Variants in PKD1 observed in about 807,000 individuals in gnomAD.
PKD1 encodes the protein polycystin-1.
In PKD1, 81 loss-of-function variants were observed where a neutral mutation model predicts 361.7. The observed-to-expected ratio is 0.22, with a 90% CI of 0.19 to 0.27. PKD1 has a LOEUF of 0.27. Among genes scored for constraint, PKD1 ranks in the 10% least tolerant of loss-of-function variants. The pLI is 1.00. For missense variants in PKD1, 6,399 were observed against 6,118.3 expected (o/e 1.05, Z -1.53); for synonymous variants, 3,615 against 2,818.3 (o/e 1.28, Z -8.95).
At position 2,088,713 on chromosome 16, in the gene PKD1, G is replaced by C. The variant is rs550001058; in HGVS notation, c.*1014C>G. ...CACAGACATAGAGGCACAGATTGCA[G>C]TCAGACAGCTCTTTTATTGACTTTG... On this transcript the variant is annotated 3_prime_UTR_variant, in exon 46 of 46. Coordinates refer to ENST00000262304, the MANE Select transcript of PKD1 (RefSeq NM_001009944.3). 1.4e-6 allele frequency: 2 copies of C among 1,436,872 alleles called. No homozygotes were observed. Among genetic ancestry groups the C allele is most frequent in the East Asian group, 2.5e-5 (1 of 40,142 alleles). 89.0% of individuals were successfully genotyped at this position (1,436,872 alleles called of 1,614,324 possible).
intron 34 of PKD1, among the ~76,000 whole-genome samples, chr16:2,096,640 C>T (rs951000771): frequency 4.6e-5 from 7 of 152,078 alleles, no homozygotes; most frequent in Admixed American, 1.3e-4. Context: ...CTCAGTCTCC[C>T]GAGTAACTGG....
rs751897672 is a variant in PKD1, at chr16:2,111,102, G to A, written c.4065C>T (p.Phe1355=). ...GGCTGGACAGCACCAGCGCCAGGGG[G>A]AACGTGCCGCTCCGCGTGAAGTTGT... is the stretch of plus-strand genomic sequence containing the variant. ...VTHNFTRSGT[F]PLALVLSSRV... The change falls in exon 15 of 46, where the codon TTC becomes TTT. Residue 1355 remains phenylalanine (F), a synonymous_variant. Coordinates refer to ENST00000262304, the MANE Select transcript of PKD1 (RefSeq NM_001009944.3). 32 of 1,610,608 alleles carry A rather than the reference G, an allele frequency of 2.0e-5. No individual in the cohort carries two copies. In the South Asian group the frequency reaches 2.9e-4, roughly 14 times the overall value.
intron 1 of PKD1, among the ~76,000 whole-genome samples, chr16:2,127,674 G>A (rs902760074): frequency 5.3e-5 from 8 of 151,678 alleles, no homozygotes; most frequent in Non-Finnish European, 7.4e-5. Flanking sequence ...CAGTGGCTGA[G>A]CCAGGTCACT....
intron 1 of PKD1, among the ~76,000 whole-genome samples, chr16:2,132,530 A>G (rs1302311855): frequency 1.4e-5 from 2 of 145,696 alleles, no homozygotes; most frequent in African/African-American, 2.6e-5. Context: ...AGCTGAGATC[A>G]TGCCACTGCA....
chr16:2,123,529 C>T (rs961106463), intron 1 of PKD1: 7 of 456,366 alleles, frequency 1.5e-5, no homozygotes, highest in African/African-American at 1.4e-4. Flanking sequence ...TGGGGGAACG[C>T]CAAGGCCTAG....
Position 2,111,201 on chromosome 16 carries a change from G to A in PKD1, c.3966C>T (p.Ala1322=), listed in dbSNP as rs745434803. 3.1e-6 allele frequency: 5 copies of A among 1,611,478 alleles called. No individual in the cohort carries two copies. Among genetic ancestry groups the A allele is most frequent in the Non-Finnish European group, 4.2e-6 (5 of 1,179,722 alleles). ...RLTAYVTGNP[A]HYLFDWTFGD... is the part of the protein sequence containing the mutation. Reference sequence around the variant, plus strand: ...CGAAGGTCCAGTCGAAGAGGTAGTGGGCCGGGTTCCCGGTGACGTAGGCCG... The same window carrying A: ...CGAAGGTCCAGTCGAAGAGGTAGTGAGCCGGGTTCCCGGTGACGTAGGCCG... Residue 1322 remains alanine (A), a synonymous_variant, in exon 15 of 46, where the codon GCC becomes GCT. Coordinates refer to ENST00000262304, the MANE Select transcript of PKD1 (RefSeq NM_001009944.3).
rs1224380576 is a variant in PKD1 at position 2,111,388 on chromosome 16, A to C, written c.3779T>G (p.Val1260Gly). The C allele has an allele frequency of 1.9e-6, 3 of 1,611,300 alleles. No individual in the cohort carries two copies. The East Asian group carries it at 6.7e-5, about 36-fold the overall frequency. ...CTGTGCCCGCAGGTACACATGCTCC[A>C]CTGTTGCCTCCGGGCCCGACAGCAC... ...GTVLSGPEAT[V>G]EHVYLRAQNC... Residue 1260 changes from valine (V) to glycine (G), a missense_variant, in exon 15 of 46, where the codon GTG (valine) becomes GGG (glycine). Physicochemically the swap from Val to Gly is moderately radical, Grantham distance 109. Transcript: ENST00000262304.
rs1490760670 is a variant in PKD1, at chr16:2,097,950, T to C, written c.10085A>G (p.Gln3362Arg). Reference protein sequence around the residue: ...AGSPSPTPAGQQVLDIDSCLD... With the variant: ...AGSPSPTPAGRQVLDIDSCLD... ...GCAGCTGTCGATGTCCAGCACCTGCTGCCCGGCAGGTGTGGGGCTCGGGCT... is the reference window on the plus strand; with the variant it reads ...GCAGCTGTCGATGTCCAGCACCTGCCGCCCGGCAGGTGTGGGGCTCGGGCT... The change falls in exon 31 of 46, where the codon CAG becomes CGG. Residue 3362 changes from glutamine to arginine, a missense_variant. Gln to Arg is a conservative substitution (Grantham distance 43, BLOSUM62 1). Coordinates refer to ENST00000262304, the MANE Select transcript of PKD1 (RefSeq NM_001009944.3). 6.3e-7 allele frequency: 1 copy of C among 1,598,862 alleles called. No homozygotes were observed. The highest frequency in any genetic ancestry group is 1.7e-5 in the Admixed American group (1 of 59,768).
At chr16:2,130,793 G>C (rs568472567) in intron 1 of PKD1, among the ~76,000 whole-genome samples, 2 of 152,336 alleles carry the variant, frequency 1.3e-5, no homozygotes, top group African/African-American at 2.4e-5. Context: ...TGTCATTCAG[G>C]GATGCAGGTG....
At chr16:2,113,745 G>A (rs937570037) in intron 11 of PKD1, 12 of 359,996 alleles carry the variant, frequency 3.3e-5, no homozygotes, top group Admixed American at 2.2e-4. Flanking sequence ...GCAGGTACCC[G>A]CAAGATGGAG....
At position 2,117,523 on chromosome 16, in the gene PKD1, C is replaced by T. The variant is rs764143167; in HGVS notation, c.1351G>A (p.Ala451Thr). 18 of 1,586,290 alleles carry T rather than the reference C, an allele frequency of 1.1e-5. No individual in the cohort carries two copies. The highest frequency in any genetic ancestry group is 5.4e-5 in the African/African-American group (4 of 74,314). ...CGGGAGACCAGGAAGCGCTGCACGG[C>T]GGGACTGTCCACCATTGCCAGGGCG... ...GAALAMVDSPAVQRFLVSRVT... is the reference protein window; with the variant it reads ...GAALAMVDSPTVQRFLVSRVT... Residue 451 changes from alanine to threonine, a missense_variant, in exon 6 of 46, where the codon GCC (alanine) becomes ACC (threonine). By Grantham distance (58) the Ala-to-Thr change is moderately conservative. Coordinates refer to ENST00000262304, the MANE Select transcript of PKD1 (RefSeq NM_001009944.3).
chr16:2,088,872 T>C lies in PKD1; in HGVS notation c.*855A>G, dbSNP rs950575369. ...CTGGGCCATACAGCACACTCGCGCGTGCGCGCGCGCACACACACACACACA... is the reference window on the plus strand; with the variant it reads ...CTGGGCCATACAGCACACTCGCGCGCGCGCGCGCGCACACACACACACACA... On this transcript the variant is annotated 3_prime_UTR_variant, in exon 46 of 46. Coordinates refer to ENST00000262304, the MANE Select transcript of PKD1 (RefSeq NM_001009944.3). 3.8e-5 allele frequency: 19 copies of C among 500,404 alleles called. No homozygotes were observed. The highest frequency in any genetic ancestry group is 2.4e-4 in the Admixed American group (7 of 28,640). 31.0% of individuals were successfully genotyped at this position (500,404 alleles called of 1,614,324 possible).
intron 1 of PKD1, among the ~76,000 whole-genome samples, chr16:2,120,602 TGAG>T (rs1175066232): frequency 5.9e-5 from 9 of 152,140 alleles, no homozygotes; most frequent in African/African-American, 2.2e-4. Flanking sequence ...CTCGGGGGGC[TGAG>T]GAGGAAGGAT....
In PKD1 at chr16:2,088,988, A is replaced by G. The variant is rs191697830; in HGVS notation, c.*739T>C. On this transcript the variant is annotated 3_prime_UTR_variant, in exon 46 of 46. Transcript: ENST00000262304. ...GTCCTCTGACATGCCTAGTCCTGCT[A>G]CTTGCCCAGACCTGATGCCAGCAGG... 7.8e-5 allele frequency: 22 copies of G among 281,702 alleles called. No homozygotes were observed. In the Admixed American group the frequency reaches 1.0e-3, roughly 13 times the overall value. The allele number at this position is 281,702 out of a possible 1,614,324, so 17.5% of individuals were successfully genotyped here.
chr16:2,092,721 G>T, intron 38 of PKD1, 129 bp from the exon 39 acceptor site: 1 of 849,770 alleles, frequency 1.2e-6, no homozygotes, highest in Non-Finnish European at 1.9e-6. Context: ...GGGCTTCTCA[G>T]CCTTATCCTG....
chr16:2,131,002 C>T (rs2092869270), intron 1 of PKD1, among the ~76,000 whole-genome samples: 1 of 152,208 alleles, frequency 6.6e-6, no homozygotes, highest in African/African-American at 2.4e-5. Context: ...GACATCTACA[C>T]CTAGGCCAGT....
chr16:2,091,390 G>T (rs193263825), intron 42 of PKD1, 33 bp downstream of exon 42: 15,475 of 1,086,856 alleles, frequency 0.014, 397 homozygotes, highest in Non-Finnish European at 0.016. Context: ...GCTGCCGGTG[G>T]GAGGCGCGGG....
chr16:2,102,419 G>C lies in PKD1; in HGVS notation c.9163C>G (p.Leu3055Val). 6.4e-7 allele frequency: 1 copy of C among 1,552,656 alleles called. No homozygotes were observed. The highest frequency in any genetic ancestry group is 8.7e-7 in the Non-Finnish European group (1 of 1,149,452). Residue 3055 changes from leucine to valine, a missense_variant, in exon 25 of 46, where the codon CTC becomes GTC. Leu to Val is a conservative substitution (Grantham distance 32). Coordinates refer to ENST00000262304, the MANE Select transcript of PKD1 (RefSeq NM_001009944.3). The part of the protein sequence containing the change: ...TRHLTAFGAS[L>V]FVPPSHVRFV... ...CGGACATGGCTTGGGGGCACGAAGA[G>C]GCTGGCGCCGAAGGCGGTGAGGTGG...
intron 22 of PKD1, among the ~76,000 whole-genome samples, chr16:2,104,211 AAGGGGGATG>A (rs1311479204): frequency 6.0e-5 from 1 of 16,660 alleles, no homozygotes; most frequent in Non-Finnish European, 1.0e-4. Flanking sequence ...AAGGGAGGGG[AAGGGGGATG>A]AGGGGGATGA....
Sources: gnomAD v4.1 joint callset for allele counts (sites outside exome capture counted in the v4.1 genomes callset) on GRCh38, gnomAD v4.1.1 for gene constraint, MANE v1.5 for transcripts, NCBI Gene and HGNC (gene_info 2026-07-23, HGNC 2026-07-21) for gene names.